Variants in NRP1 observed in about 807,000 individuals in gnomAD.
The protein encoded by NRP1 is neuropilin 1.
Under a neutral mutation model 106.7 loss-of-function variants are expected in NRP1, and 35 were observed. The observed-to-expected ratio is 0.33, with a 90% CI of 0.25 to 0.43. The LOEUF is 0.43. Ranked by LOEUF, NRP1 falls within the 20% of genes least tolerant of loss-of-function variation. NRP1 has a pLI of 1.00. For synonymous variants in NRP1, 437 were observed against 417.9 expected (o/e 1.05, Z -0.56); for missense variants, 1,024 against 1,170.4 (o/e 0.87, Z 1.83).
At chr10:33,301,219 G>A (rs2132703349) in intron 2 of NRP1, among the ~76,000 whole-genome samples, 1 of 152,302 alleles carries the variant, frequency 6.6e-6, no homozygotes, top group Admixed American at 6.5e-5. Flanking sequence ...GAATGTCGAG[G>A]GCTTGACAGC....
intron 2 of NRP1, among the ~76,000 whole-genome samples, chr10:33,294,730 T>C (rs892210607): frequency 6.6e-6 from 1 of 152,166 alleles, no homozygotes; most frequent in African/African-American, 2.4e-5. Context: ...AATGCCATTT[T>C]TGTGAAACCC....
intron 8 of NRP1, among the ~76,000 whole-genome samples, chr10:33,216,479 G>T (rs1838785036): frequency 7.0e-6 from 1 of 141,932 alleles, no homozygotes; most frequent in Non-Finnish European, 1.5e-5. Context: ...TTAGAGACAG[G>T]GTCTCACTCT....
In NRP1 at chr10:33,254,041, C is replaced by T. The variant is rs1427093763; in HGVS notation, c.968G>A (p.Arg323Gln). The T allele has an allele frequency of 9.9e-6, 16 of 1,609,706 alleles. No individual in the cohort carries two copies. The highest frequency in any genetic ancestry group is 3.4e-4 in the Middle Eastern group (2 of 5,938). ...TATGCTGCATACCTGTATCCACTCT[C>T]GGTAGGAATCCTCTCCGGGAGTCCA... ...NGWTPGEDSY[R>Q]EWIQVDLGLL... The change falls in exon 6 of 17, where the codon CGA (arginine) becomes CAA (glutamine). Residue 323 changes from arginine to glutamine, a missense_variant. This residue lies in a region of NRP1 where 562 missense variants were observed against 620.3 expected (regional missense o/e 0.91). Transcript: ENST00000374867.
intron 2 of NRP1, among the ~76,000 whole-genome samples, chr10:33,282,977 C>G (rs1332397563): frequency 6.6e-6 from 1 of 152,150 alleles, no homozygotes; most frequent in African/African-American, 2.4e-5. Flanking sequence ...AACTCCTGAC[C>G]TCATGATCCA....
At chr10:33,314,509 G>C (rs971202871) in intron 2 of NRP1, among the ~76,000 whole-genome samples, 3 of 152,246 alleles carry the variant, frequency 2.0e-5, no homozygotes, top group Non-Finnish European at 4.4e-5. Context: ...CTAAGTGTAA[G>C]AGAGTAACAT....
chr10:33,277,772 T>G (rs1233139826), intron 2 of NRP1, among the ~76,000 whole-genome samples: 1 of 152,226 alleles, frequency 6.6e-6, no homozygotes, highest in Non-Finnish European at 1.5e-5. Flanking sequence ...ATTGTCCTAG[T>G]TTCCTTTGAA....
chr10:33,263,903 TG>T, intron 3 of NRP1, 30 bp from the exon 4 acceptor site: 1 of 1,415,688 alleles, frequency 7.1e-7, no homozygotes, highest in African/African-American at 1.4e-5. Context: ...AGGAGTAAAG[TG>T]AAAATCCCAC....
chr10:33,316,194 A>G (rs752026098), intron 2 of NRP1, among the ~76,000 whole-genome samples: 10 of 152,220 alleles, frequency 6.6e-5, no homozygotes, highest in African/African-American at 2.4e-4. Flanking sequence ...TAGGTTAAAC[A>G]GTGTTTGCAT....
intron 2 of NRP1, among the ~76,000 whole-genome samples, chr10:33,279,995 G>A (rs1843998610): frequency 6.6e-6 from 1 of 152,212 alleles, no homozygotes; most frequent in African/African-American, 2.4e-5. Flanking sequence ...CCTGATTGAA[G>A]CAAAACCAGA....
intron 6 of NRP1, among the ~76,000 whole-genome samples, chr10:33,249,870 C>T (rs543827725): frequency 6.6e-6 from 1 of 151,928 alleles, no homozygotes; most frequent in African/African-American, 2.4e-5. Context: ...CCAATGTGGA[C>T]GTTCATATCG....
chr10:33,274,439 G>T (rs1459131249), intron 2 of NRP1, among the ~76,000 whole-genome samples: 1 of 151,966 alleles, frequency 6.6e-6, no homozygotes, highest in Non-Finnish European at 1.5e-5. Context: ...TTTTTCTTTG[G>T]GAAAGTTTGA....
chr10:33,271,066 A>T (rs1463852032), intron 2 of NRP1, among the ~76,000 whole-genome samples: 2 of 152,234 alleles, frequency 1.3e-5, no homozygotes, highest in Non-Finnish European at 2.9e-5. Flanking sequence ...ACATCTGGCA[A>T]CACACAACTA....
At chr10:33,215,429 A>T (rs750727592) in intron 8 of NRP1, among the ~76,000 whole-genome samples, 8 of 152,172 alleles carry the variant, frequency 5.3e-5, no homozygotes, top group Non-Finnish European at 1.2e-4. Context: ...AGCATCATAG[A>T]CCTTTTTATG....
At chr10:33,186,517 G>A (rs1588683647) in intron 13 of NRP1, 29 bp from the exon 14 acceptor site, 1 of 1,576,858 alleles carries the variant, frequency 6.3e-7, no homozygotes, top group East Asian at 2.3e-5. Flanking sequence ...GTGTTAGGGA[G>A]AGTGGCCAGG....
At chr10:33,297,034 C>T (rs1300163666) in intron 2 of NRP1, among the ~76,000 whole-genome samples, 1 of 151,904 alleles carries the variant, frequency 6.6e-6, no homozygotes, top group African/African-American at 2.4e-5. Context: ...CAAAGAAAAA[C>T]CTTTCATTGA....
At chr10:33,327,054 A>G (rs1420465411) in intron 2 of NRP1, among the ~76,000 whole-genome samples, 7 of 152,214 alleles carry the variant, frequency 4.6e-5, no homozygotes, top group Non-Finnish European at 1.0e-4. Flanking sequence ...TTGGGTTTCA[A>G]AGATGTTTCA....
At chr10:33,227,223 A>G (rs1839744863) in intron 6 of NRP1, among the ~76,000 whole-genome samples, 1 of 152,242 alleles carries the variant, frequency 6.6e-6, no homozygotes. Context: ...TTGCAAAGAC[A>G]GAATCAAGAC....
intron 1 of NRP1, among the ~76,000 whole-genome samples, chr10:33,331,901 A>C (rs1304179165): frequency 6.6e-6 from 1 of 152,244 alleles, no homozygotes; most frequent in Non-Finnish European, 1.5e-5. Context: ...GAGAAACGGT[A>C]TGAAAACAGT....
In NRP1 at chr10:33,290,023, G is replaced by T. The variant is rs536252082; in HGVS notation, c.249-19167C>A. Among the ~76,000 whole-genome samples, 36 of 152,148 alleles carry T rather than the reference G, an allele frequency of 2.4e-4. No homozygotes were observed. The South Asian group carries it at 7.5e-3, about 32-fold the overall frequency. On this transcript the variant is annotated intron_variant, in intron 2 of 16. Coordinates refer to ENST00000374867, the MANE Select transcript of NRP1 (RefSeq NM_003873.7). ...TGTGCGCCCTGCTTTAATAATCTTG[G>T]TCTCTTGCATAGCTTGGATATGTAA...
Sources: gnomAD v4.1 joint callset for allele counts (sites outside exome capture counted in the v4.1 genomes callset) on GRCh38, gnomAD v4.1.1 for gene constraint, gnomAD v4.1.1 regional missense constraint, MANE v1.5 for transcripts, NCBI Gene and HGNC (gene_info 2026-07-23, HGNC 2026-07-21) for gene names.